The following CBFA2T3 variants were observed in gnomAD, a reference collection of about 807,000 sequenced individuals.
CBFA2T3 encodes transcriptional corepressor CBFA2T3.
In CBFA2T3, 31 loss-of-function variants were observed where a neutral mutation model predicts 58.6. That is an observed-to-expected ratio of 0.53 (90% CI 0.40 to 0.71). The LOEUF (loss-of-function observed/expected upper bound fraction) is 0.71, where lower values mean the gene tolerates loss of function less well. CBFA2T3 is among the 30% of genes least tolerant of loss of function. The pLI, the probability that CBFA2T3 is intolerant of heterozygous loss-of-function variation, is 0.00. For missense variants in CBFA2T3, 1,076 were observed against 963.1 expected, an observed-to-expected ratio of 1.12 and a Z score of -1.55; for synonymous variants, 531 against 421.9, an observed-to-expected ratio of 1.26 and a Z score of -3.17.
At chr16:88,956,740 C>T (rs11861335) in intron 1 of CBFA2T3, among the ~76,000 whole-genome samples, 10,620 of 152,258 alleles carry the variant, frequency 0.07, 450 homozygotes, top group Middle Eastern at 0.14. Context: ...CAGGCGTGGG[C>T]GGCGGGGGCT....
chr16:88,939,568 C>T (rs1212170578), intron 1 of CBFA2T3: 1 of 152,292 alleles, frequency 6.6e-6, no homozygotes, highest in African/African-American at 2.4e-5. Context: ...CTTTTCCAGG[C>T]ACGGTGCTGT....
At chr16:88,924,843 C>T (rs1459149416) in intron 1 of CBFA2T3, among the ~76,000 whole-genome samples, 1 of 152,212 alleles carries the variant, frequency 6.6e-6, no homozygotes, top group Non-Finnish European at 1.5e-5. Flanking sequence ...GTCCTGCCCA[C>T]AGCTTCGGGC....
chr16:88,967,080 A>G (rs1972524335), intron 1 of CBFA2T3, among the ~76,000 whole-genome samples: 1 of 152,210 alleles, frequency 6.6e-6, no homozygotes, highest in African/African-American at 2.4e-5. Flanking sequence ...AGGGAAGCTG[A>G]GAACAGTGCG....
At chr16:88,913,533 G>A (rs952038418) in intron 1 of CBFA2T3, among the ~76,000 whole-genome samples, 1 of 152,192 alleles carries the variant, frequency 6.6e-6, no homozygotes, top group Non-Finnish European at 1.5e-5. Context: ...TGGTGAGAGG[G>A]AGGCTGGGAA....
In CBFA2T3 at chr16:88,910,898, G is replaced by A. The variant is rs560114017; in HGVS notation, c.152-9242C>T. Among the ~76,000 whole-genome samples the A allele has an allele frequency of 2.0e-3, 301 of 152,172 alleles. 1 individual carries two copies. The highest frequency in any genetic ancestry group is 6.8e-3 in the African/African-American group (283 of 41,528). On this transcript the variant is annotated intron_variant, in intron 1 of 11. Coordinates refer to ENST00000268679, the MANE Select transcript of CBFA2T3 (RefSeq NM_005187.6). ...CTCCCTCCCCTGCCCCCAGCCCCCA[G>A]CCTCCAGGGCTGTGCCAAGTGTGGG... is the stretch of plus-strand genomic sequence containing the variant.
intron 1 of CBFA2T3, among the ~76,000 whole-genome samples, chr16:88,908,945 G>A (rs1970431179): frequency 1.3e-5 from 2 of 152,198 alleles, no homozygotes; most frequent in South Asian, 2.1e-4. Flanking sequence ...TGGGGAAACT[G>A]AGGCACGGGC....
At position 88,886,050 on chromosome 16, in the gene CBFA2T3, G is replaced by A; in HGVS notation, c.804C>T (p.Leu268=). 1 of 1,585,394 alleles carries A rather than the reference G, an allele frequency of 6.3e-7. No homozygotes were observed. The highest frequency in any genetic ancestry group is 8.5e-7 in the Non-Finnish European group (1 of 1,170,260). ...PAQYLAQHEQ[L]LLDASASSPI... is the part of the protein sequence containing the mutation. ...GGGAGGAGGCGCTGGCGTCCAGCAG[G>A]AGCTGCTCATGCTGGGCCAAGTACT... Residue 268 remains leucine (L), a synonymous_variant, in exon 6 of 12, where the codon CTC becomes CTT. Coordinates refer to ENST00000268679, the MANE Select transcript of CBFA2T3 (RefSeq NM_005187.6).
At chr16:88,895,570 G>A (rs376487646) in intron 3 of CBFA2T3, among the ~76,000 whole-genome samples, 13 of 152,240 alleles carry the variant, frequency 8.5e-5, no homozygotes, top group African/African-American at 3.1e-4. Flanking sequence ...GGGCACAGTG[G>A]CACAGGGGGG....
chr16:88,890,471 A>T (rs937497835), intron 5 of CBFA2T3, among the ~76,000 whole-genome samples: 3 of 152,194 alleles, frequency 2.0e-5, no homozygotes, highest in Non-Finnish European at 4.4e-5. Flanking sequence ...AGGTGTGGCC[A>T]GGCTGGCAGC....
chr16:88,893,652 C>T (rs504555), intron 3 of CBFA2T3, among the ~76,000 whole-genome samples: 2,115 of 152,320 alleles, frequency 0.014, 45 homozygotes, highest in African/African-American at 0.048. Flanking sequence ...CTGATGAGCG[C>T]GCTGCAGGGC....
Position 88,900,589 on chromosome 16 carries a change from C to T in CBFA2T3, c.304+915G>A, listed in dbSNP as rs142910674. Among the ~76,000 whole-genome samples the T allele has an allele frequency of 2.7e-3, 416 of 152,266 alleles. 1 individual carries two copies. The highest frequency in any genetic ancestry group is 9.1e-3 in the African/African-American group (378 of 41,560). On this transcript the variant is annotated intron_variant, in intron 2 of 11. Coordinates refer to ENST00000268679, the MANE Select transcript of CBFA2T3 (RefSeq NM_005187.6). ...AGGCTCCCCGCCCAGAGAGGGGCTT[C>T]GTTTGAGTTTCAGAGCCTGGGGAGG... is the stretch of plus-strand genomic sequence containing the variant.
At chr16:88,905,519 G>C (rs907612566) in intron 1 of CBFA2T3, among the ~76,000 whole-genome samples, 4 of 151,826 alleles carry the variant, frequency 2.6e-5, no homozygotes, top group African/African-American at 9.7e-5. Context: ...GGGCCCCCCA[G>C]GATGCAGCTC....
chr16:88,909,749 C>T (rs1248309228), intron 1 of CBFA2T3, among the ~76,000 whole-genome samples: 7 of 152,178 alleles, frequency 4.6e-5, no homozygotes. Flanking sequence ...AGATGGACGA[C>T]CCCGCACCCA....
intron 1 of CBFA2T3, among the ~76,000 whole-genome samples, 156 bp from the exon 2 acceptor site, chr16:88,901,812 G>A (rs1269075563): frequency 2.6e-5 from 4 of 152,176 alleles, no homozygotes; most frequent in African/African-American, 4.8e-5. Flanking sequence ...GACGTCCCAC[G>A]TGCAGGATCA....
chr16:88,881,932 C>T (rs748921459), intron 8 of CBFA2T3, among the ~76,000 whole-genome samples: 14 of 152,340 alleles, frequency 9.2e-5, no homozygotes, highest in Admixed American at 1.3e-4. Context: ...AGCCCAGTTC[C>T]GGGCCGTCCC....
At position 88,977,000 on chromosome 16, in the gene CBFA2T3, G is replaced by T; in HGVS notation, c.-193C>A. The T allele has an allele frequency of 7.0e-6, 4 of 574,378 alleles. No homozygotes were observed. In the South Asian group the frequency reaches 8.3e-5, roughly 12 times the overall value. The allele number at this position is 574,378 out of a possible 1,614,324, so 35.6% of individuals were successfully genotyped here. A position where few individuals can be genotyped will look rare whatever the true frequency, so the allele number is the denominator to read the frequency against. ...ACTGGGTGTCCTCTGCCCTGGGGAG[G>T]GGGTGGGAGCCCTGGGGCTCATGTG... is the stretch of plus-strand genomic sequence containing the variant. On this transcript the variant is annotated 5_prime_UTR_variant, in exon 1 of 12. Transcript: ENST00000268679.
intron 1 of CBFA2T3, among the ~76,000 whole-genome samples, chr16:88,975,289 A>G (rs1972826363): frequency 6.9e-6 from 1 of 145,148 alleles, no homozygotes; most frequent in African/African-American, 2.5e-5. Flanking sequence ...AGCCCCTCGC[A>G]TGACTCAGGC....
intron 8 of CBFA2T3, among the ~76,000 whole-genome samples, 191 bp downstream of exon 8, chr16:88,882,485 G>C (rs1430900895): frequency 6.7e-6 from 1 of 149,882 alleles, no homozygotes; most frequent in Admixed American, 6.7e-5. Flanking sequence ...GGCTGTGTGT[G>C]ACTGCACGGG....
rs578053464 is a variant in CBFA2T3, at chr16:88,970,974, C to T, written c.151+5683G>A. On this transcript the variant is annotated intron_variant, in intron 1 of 11. Transcript: ENST00000268679. Reference sequence around the variant, plus strand: ...CCTCGGCGAGGGCATAGCACAGGCACGGGCTCGGGAGGCTTGTGGAGCCGC... The same window carrying T: ...CCTCGGCGAGGGCATAGCACAGGCATGGGCTCGGGAGGCTTGTGGAGCCGC... Among the ~76,000 whole-genome samples the T allele has an allele frequency of 4.6e-5, 7 of 151,858 alleles. No homozygotes were observed. In the South Asian group the frequency reaches 1.3e-3, roughly 27 times the overall value.
Sources: allele counts gnomAD v4.1 joint callset (sites outside exome capture counted in the v4.1 genomes callset), GRCh38; gene constraint gnomAD v4.1.1; transcripts MANE v1.5; gene names NCBI Gene and HGNC (gene_info 2026-07-23, HGNC 2026-07-21).